PCSK5: variants seen among roughly 807,000 people sequenced by gnomAD.
PCSK5 encodes the protein prohormone convertase 5.
In PCSK5, 129 loss-of-function variants were observed where a neutral mutation model predicts 233.2. That is an observed-to-expected ratio of 0.55 (90% CI 0.48 to 0.64). The LOEUF (loss-of-function observed/expected upper bound fraction) is 0.64, where lower values mean the gene tolerates loss of function less well. Among genes scored for constraint, PCSK5 ranks in the 30% least tolerant of loss-of-function variants. PCSK5 has a pLI of 0.00. For missense variants in PCSK5, 2,076 were observed against 2,430.1 expected (o/e 0.85, Z 3.06); for synonymous variants, 825 against 879.2 (o/e 0.94, Z 1.09).
chr9:76,208,591 G>T (rs1330699112), intron 20 of PCSK5, among the ~76,000 whole-genome samples: 1 of 152,132 alleles, frequency 6.6e-6, no homozygotes, highest in African/African-American at 2.4e-5. Flanking sequence ...CCATTACAGT[G>T]AGCCATCATC....
chr9:76,108,611 G>A (rs564454441), intron 9 of PCSK5, among the ~76,000 whole-genome samples: 6 of 152,238 alleles, frequency 3.9e-5, no homozygotes, highest in Admixed American at 2.6e-4. Context: ...AAATTAGTTC[G>A]GTGTGGTGGT....
rs1245149698 is a variant in PCSK5, at chr9:76,334,601, C to T, written c.4748+1991C>T. Among the ~76,000 whole-genome samples the T allele has an allele frequency of 5.3e-5, 8 of 152,096 alleles. No individual in the cohort carries two copies. The East Asian group carries it at 7.7e-4, about 15-fold the overall frequency. ...CAAAAACTAGCCAGGCATGGTGGCA[C>T]GTGCCTGTCATCCCAGCTACTTGGG... On this transcript the variant is annotated intron_variant, in intron 34 of 37. Transcript: ENST00000674117.
chr9:76,215,690 G>C (rs1265687348), intron 20 of PCSK5, among the ~76,000 whole-genome samples: 2 of 152,154 alleles, frequency 1.3e-5, no homozygotes, highest in Admixed American at 1.3e-4. Context: ...GGGAGACCAA[G>C]GCAGGCAGGC....
At position 76,361,585 on chromosome 9, in the gene PCSK5, T is replaced by C. The variant is rs2131542011; in HGVS notation, c.*2663T>C. 1 of 148,278 alleles carries C rather than the reference T, an allele frequency of 6.7e-6. No homozygotes were observed. The highest frequency in any genetic ancestry group is 3.9e-3 in the Middle Eastern group (1 of 256). The allele number at this position is 148,278 out of a possible 1,614,324, so 9.2% of individuals were successfully genotyped here. On this transcript the variant is annotated 3_prime_UTR_variant, in exon 38 of 38. Transcript: ENST00000674117. ...GGCATGGTGGCAAGTGTCTGTAGTCTCAGCTACTCAGGAGGCTAAGGTGGA... is the reference window on the plus strand; with the variant it reads ...GGCATGGTGGCAAGTGTCTGTAGTCCCAGCTACTCAGGAGGCTAAGGTGGA...
chr9:76,123,427 G>T (rs1192294783), intron 9 of PCSK5, among the ~76,000 whole-genome samples: 3 of 152,032 alleles, frequency 2.0e-5, no homozygotes. Context: ...AATGTGTTTT[G>T]TAATAGAAGA....
At chr9:76,034,869 T>A (rs1828793958) in intron 5 of PCSK5, among the ~76,000 whole-genome samples, 1 of 152,176 alleles carries the variant, frequency 6.6e-6, no homozygotes, top group Non-Finnish European at 1.5e-5. Context: ...CTGACCTTGA[T>A]TGGTTCATCT....
intron 24 of PCSK5, among the ~76,000 whole-genome samples, chr9:76,260,216 A>C (rs950852758): frequency 5.9e-5 from 9 of 152,166 alleles, no homozygotes; most frequent in African/African-American, 2.2e-4. Context: ...TCTGTCTCAC[A>C]GTATTGGTGG....
intron 30 of PCSK5, 137 bp from the exon 31 acceptor site, chr9:76,321,284 CT>C: frequency 3.4e-6 from 2 of 595,818 alleles, no homozygotes; most frequent in Non-Finnish European, 6.0e-6. Flanking sequence ...TTTTCACTTC[CT>C]TATAAATCCC....
At chr9:76,101,540 A>G (rs2131666885) in intron 8 of PCSK5, among the ~76,000 whole-genome samples, 1 of 152,200 alleles carries the variant, frequency 6.6e-6, no homozygotes, top group East Asian at 1.9e-4. Flanking sequence ...CCCTCCCATC[A>G]TTAAATTATC....
chr9:76,098,024 C>T (rs796185365), intron 8 of PCSK5, among the ~76,000 whole-genome samples: 13 of 152,310 alleles, frequency 8.5e-5, no homozygotes, highest in African/African-American at 2.9e-4. Flanking sequence ...CTGCCTTTCC[C>T]GCAGTCCATA....
intron 7 of PCSK5, among the ~76,000 whole-genome samples, chr9:76,091,705 C>T (rs1026317457): frequency 6.6e-6 from 1 of 152,064 alleles, no homozygotes; most frequent in Non-Finnish European, 1.5e-5. Context: ...ATGCATTCAC[C>T]AGCCCCCTGC....
intron 12 of PCSK5, among the ~76,000 whole-genome samples, chr9:76,169,133 G>A (rs1029775602): frequency 5.3e-5 from 8 of 152,202 alleles, no homozygotes; most frequent in African/African-American, 1.2e-4. Context: ...ACAGAGGGCC[G>A]ACTGTACCAT....
intron 24 of PCSK5, among the ~76,000 whole-genome samples, chr9:76,289,822 A>T (rs533053754): frequency 4.9e-4 from 74 of 152,366 alleles, no homozygotes; most frequent in Middle Eastern, 6.8e-3. Context: ...TATAAGGCAC[A>T]GTTCCTGTTC....
chr9:76,332,500 C>G lies in PCSK5; in HGVS notation c.4638C>G (p.His1546Gln). 1 of 1,612,536 alleles carries G rather than the reference C, an allele frequency of 6.2e-7. No individual in the cohort carries two copies. The highest frequency in any genetic ancestry group is 8.5e-7 in the Non-Finnish European group (1 of 1,179,524). Residue 1546 changes from histidine to glutamine, a missense_variant, in exon 34 of 38, where the codon CAC becomes CAG. His to Gln is a conservative substitution (Grantham distance 24). Coordinates refer to ENST00000674117, the MANE Select transcript of PCSK5 (RefSeq NM_001372043.1). ...YADEDSNRCA[H>Q]CHSSCRTCEG... is the part of the protein sequence containing the mutation. Reference sequence around the variant, plus strand: ...ATGAGGACAGCAACCGGTGTGCCCACTGCCACAGCTCTTGCAGGACATGTG... The same window carrying G: ...ATGAGGACAGCAACCGGTGTGCCCAGTGCCACAGCTCTTGCAGGACATGTG...
chr9:76,031,213 A>G (rs1221360444), intron 5 of PCSK5, among the ~76,000 whole-genome samples: 3 of 152,188 alleles, frequency 2.0e-5, no homozygotes, highest in Non-Finnish European at 4.4e-5. Context: ...ATCTTTAAGC[A>G]TGAATCCACA....
chr9:76,112,413 A>G (rs1360243290), intron 9 of PCSK5, among the ~76,000 whole-genome samples: 1 of 152,182 alleles, frequency 6.6e-6, no homozygotes, highest in African/African-American at 2.4e-5. Flanking sequence ...TAGAAAATAA[A>G]TTAAACTAAC....
chr9:76,311,050 T>C (rs1271208775), intron 30 of PCSK5, among the ~76,000 whole-genome samples, 199 bp downstream of exon 30: 1 of 152,224 alleles, frequency 6.6e-6, no homozygotes, highest in Admixed American at 6.5e-5. Context: ...CCTCTGTGAC[T>C]ATTTTATGTA....
upstream of PCSK5, among the ~76,000 whole-genome samples, chr9:75,889,927 T>G (rs1249562524): frequency 6.6e-6 from 1 of 152,206 alleles, no homozygotes; most frequent in Admixed American, 6.5e-5. Context: ...GTTGGGAAAC[T>G]TTTCCCTTGG....
chr9:76,307,940 G>A lies in PCSK5; in HGVS notation c.3605-705G>A, dbSNP rs568580950. ...CGGCCGGGCGCGGTGGCTCACACCTGTAATCCCAGCAGTTTGGGAGGCTGA... is the reference window on the plus strand; with the variant it reads ...CGGCCGGGCGCGGTGGCTCACACCTATAATCCCAGCAGTTTGGGAGGCTGA... On this transcript the variant is annotated intron_variant, in intron 28 of 37. Transcript: ENST00000674117. 5.3e-5 allele frequency among the ~76,000 whole-genome samples: 8 copies of A among 152,276 alleles called. No individual in the cohort carries two copies. In the East Asian group the frequency reaches 9.7e-4, roughly 18 times the overall value.
Sources: gnomAD v4.1 joint callset for allele counts (sites outside exome capture counted in the v4.1 genomes callset) on GRCh38, gnomAD v4.1.1 for gene constraint, MANE v1.5 for transcripts, NCBI Gene and HGNC (gene_info 2026-07-23, HGNC 2026-07-21) for gene names.